Variants in DDB1 observed in about 807,000 individuals in gnomAD.
DDB1 encodes DNA damage-binding protein 1.
DDB1 carries 18 observed loss-of-function variants against 133.1 expected under a neutral mutation model. That is an observed-to-expected ratio of 0.14 (90% confidence interval 0.09 to 0.20). DDB1 has a LOEUF of 0.20. Ranked by LOEUF, DDB1 falls within the 10% of genes least tolerant of loss-of-function variation. The pLI, the probability that DDB1 is intolerant of heterozygous loss-of-function variation, is 1.00. For synonymous variants in DDB1, 580 were observed against 550.5 expected (o/e 1.05, Z -0.75); for missense variants, 828 against 1,459.2 (o/e 0.57, Z 7.05).
chr11:61,305,638 G>A (rs527614235), intron 21 of DDB1, among the ~76,000 whole-genome samples: 6 of 152,062 alleles, frequency 3.9e-5, no homozygotes, highest in African/African-American at 9.6e-5. Flanking sequence ...AGAGTGAAGC[G>A]GGGGGCCTCA....
intron 12 of DDB1, chr11:61,315,689 AAAC>A: frequency 6.5e-6 from 1 of 152,836 alleles, no homozygotes; most frequent in Admixed American, 6.5e-5. Context: ...GGGTCACTCC[AAAC>A]TTCAAAAAAT....
intron 10 of DDB1, among the ~76,000 whole-genome samples, chr11:61,316,980 T>G (rs1289743157): frequency 5.8e-5 from 4 of 68,382 alleles, no homozygotes; most frequent in Non-Finnish European, 1.1e-4. Flanking sequence ...TATATATATA[T>G]ATATATATAT....
At position 61,316,149 on chromosome 11, in the gene DDB1, T is replaced by C. The variant is rs528156387; in HGVS notation, c.1410+136A>G. On this transcript the variant is annotated intron_variant, in intron 12 of 26. Coordinates refer to ENST00000301764, the MANE Select transcript of DDB1 (RefSeq NM_001923.5). ...TGTGATCTCTGAGTAGTGGATTATC[T>C]GTAATTTTTTCCCTAGAATTTTTAC... 129 of 735,398 alleles carry C rather than the reference T, an allele frequency of 1.8e-4. 1 individual carries two copies. Among genetic ancestry groups the C allele is most frequent in the South Asian group, 1.5e-3 (88 of 57,976 alleles). 45.6% of individuals were successfully genotyped at this position (735,398 alleles called of 1,614,324 possible). A position where few individuals can be genotyped will look rare whatever the true frequency, so the allele number is the denominator to read the frequency against.
rs58597752 is a variant in DDB1, at chr11:61,311,912, G to A, written c.2166-17C>T. 1 of 1,614,044 alleles carries A rather than the reference G, an allele frequency of 6.2e-7. No individual in the cohort carries two copies. The highest frequency in any genetic ancestry group is 1.3e-5 in the African/African-American group (1 of 75,040). ...CAGATCTTCCTGCAGAACAAGTACA[G>A]AACAACAGTGTCACTTAGAAAGTCA... On this transcript the variant is annotated splice_polypyrimidine_tract_variant and intron_variant, in intron 17 of 26. Transcript: ENST00000301764.
chr11:61,305,278 G>A (rs1408699272), intron 21 of DDB1, among the ~76,000 whole-genome samples: 2 of 152,200 alleles, frequency 1.3e-5, no homozygotes, highest in Non-Finnish European at 2.9e-5. Flanking sequence ...GGAGGCCAAG[G>A]CAGGCGGATC....
At position 61,333,095 on chromosome 11, in the gene DDB1, C is replaced by A; in HGVS notation, c.-127G>T. 3 of 872,494 alleles carry A rather than the reference C, an allele frequency of 3.4e-6. No homozygotes were observed. Among genetic ancestry groups the A allele is most frequent in the Non-Finnish European group, 4.8e-6 (3 of 621,652 alleles). 54.0% of individuals were successfully genotyped at this position (872,494 alleles called of 1,614,324 possible). A position where few individuals can be genotyped will look rare whatever the true frequency, so the allele number is the denominator to read the frequency against. ...TGCCGCTGCCTCCGCCCCAGAGACA[C>A]GTTGCAGGCCAGAGCGGCCGGGGCG... On this transcript the variant is annotated 5_prime_UTR_variant, in exon 1 of 27. Coordinates refer to ENST00000301764, the MANE Select transcript of DDB1 (RefSeq NM_001923.5).
At chr11:61,322,622 T>G (rs1388680640) in intron 8 of DDB1, 1 of 570,328 alleles carries the variant, frequency 1.8e-6, no homozygotes, top group African/African-American at 1.9e-5. Flanking sequence ...ATTGCTGACC[T>G]AGAGTCCATG....
intron 10 of DDB1, among the ~76,000 whole-genome samples, chr11:61,320,886 CTTT>C (rs781113068): frequency 1.4e-5 from 2 of 143,826 alleles, no homozygotes; most frequent in Admixed American, 7.0e-5. Context: ...TGTAGCCTCT[CTTT>C]TTTTTTTTTT....
rs769627559 is a variant in DDB1 at position 61,312,062 on chromosome 11, T to C, written c.2092A>G (p.Thr698Ala). Reference protein sequence around the residue: ...PDSLALANNSTLTIGTIDEIQ... With the variant: ...PDSLALANNSALTIGTIDEIQ... ...TCATCGATGGTGCCAATGGTGAGGG[T>C]GCTATTGTTGGCCAGCGCCAGGCTG... The change falls in exon 17 of 27, where the codon ACC becomes GCC. Residue 698 changes from threonine to alanine, a missense_variant. By Grantham distance (58) the Thr-to-Ala change is moderately conservative. Coordinates refer to ENST00000301764, the MANE Select transcript of DDB1 (RefSeq NM_001923.5). 1.2e-5 allele frequency: 19 copies of C among 1,613,846 alleles called. No individual in the cohort carries two copies. Among genetic ancestry groups the C allele is most frequent in the Non-Finnish European group, 1.6e-5 (19 of 1,180,008 alleles).
At chr11:61,311,751 C>T (rs368339659) in intron 18 of DDB1, 33 bp downstream of exon 18, 7 of 1,588,200 alleles carry the variant, frequency 4.4e-6, no homozygotes, top group Non-Finnish European at 6.0e-6. Flanking sequence ...GGCCCCTGCT[C>T]TAAGGTCATC....
In DDB1 at chr11:61,303,751, G is replaced by A. The variant is rs80302078; in HGVS notation, c.2832+114C>T. The A allele has an allele frequency of 8.4e-4, 811 of 968,014 alleles. 7 individuals carry two copies. In the African/African-American group the frequency reaches 0.013, roughly 15 times the overall value. 60.0% of individuals were successfully genotyped at this position (968,014 alleles called of 1,614,324 possible). A position where few individuals can be genotyped will look rare whatever the true frequency, so the allele number is the denominator to read the frequency against. On this transcript the variant is annotated intron_variant, in intron 22 of 26. Transcript: ENST00000301764. ...TTAATCAATGTAGAATGTCTGCTCC[G>A]GGGAAAACATTTCTGCCCCTAATAC...
rs1590692675 is a variant in DDB1 at position 61,318,671 on chromosome 11, C to T, written c.1226-2104G>A. On this transcript the variant is annotated intron_variant, in intron 10 of 26. Coordinates refer to ENST00000301764, the MANE Select transcript of DDB1 (RefSeq NM_001923.5). ...TGGTTTGTCATTTCTTCTGACTTACCTAATAGTGTTTTGTTTTGCTTTTGC... is the reference window on the plus strand; with the variant it reads ...TGGTTTGTCATTTCTTCTGACTTACTTAATAGTGTTTTGTTTTGCTTTTGC... 3.3e-5 allele frequency among the ~76,000 whole-genome samples: 5 copies of T among 152,094 alleles called. No homozygotes were observed. In the South Asian group the frequency reaches 8.3e-4, roughly 25 times the overall value.
chr11:61,317,199 C>T (rs1160181985), intron 10 of DDB1, among the ~76,000 whole-genome samples: 2 of 151,780 alleles, frequency 1.3e-5, no homozygotes, highest in Non-Finnish European at 2.9e-5. Flanking sequence ...CTGCAAGCTC[C>T]ACCTCCCGGG....
chr11:61,302,107 C>T, intron 25 of DDB1, 150 bp downstream of exon 25: 1 of 647,932 alleles, frequency 1.5e-6, no homozygotes, highest in Non-Finnish European at 2.7e-6. Context: ...AAATTTTCCA[C>T]ATGAAAAAGT....
intron 10 of DDB1, among the ~76,000 whole-genome samples, chr11:61,319,163 G>A (rs1470400005): frequency 2.0e-5 from 3 of 152,202 alleles, no homozygotes; most frequent in East Asian, 1.9e-4. Context: ...CCGTGATCAT[G>A]CCACTGTACC....
chr11:61,329,203 C>T (rs1350060267), intron 4 of DDB1, 160 bp downstream of exon 4: 15 of 663,706 alleles, frequency 2.3e-5, no homozygotes, highest in South Asian at 8.9e-5. Flanking sequence ...CAAGAAGCAA[C>T]GAAAGTCTGA....
At position 61,299,776 on chromosome 11, in the gene DDB1, T is replaced by TACACATACACACAC. The variant is rs572476486; in HGVS notation, c.*346_*359dup. 1 of 327,004 alleles carries TACACATACACACAC rather than the reference T, an allele frequency of 3.1e-6. No individual in the cohort carries two copies. The highest frequency in any genetic ancestry group is 5.9e-6 in the Non-Finnish European group (1 of 170,190). The allele number at this position is 327,004 out of a possible 1,614,324, so 20.3% of individuals were successfully genotyped here. On this transcript the variant is annotated 3_prime_UTR_variant, in exon 27 of 27. Transcript: ENST00000301764. ...AAGAGGACAATGCATGAGTGTGAGA[T>TACACATACACACAC]ACACATACACACACACACATACACA...
At position 61,320,908 on chromosome 11, in the gene DDB1, CA is replaced by C. The variant is rs565984121; in HGVS notation, c.1225+686del. ...TCTCTTTTTTTTTTTTTTGGTGACA[CA>C]AGGTCTCATTGTCGCCCAAACTAGA... On this transcript the variant is annotated intron_variant, in intron 10 of 26. Coordinates refer to ENST00000301764, the MANE Select transcript of DDB1 (RefSeq NM_001923.5). Among the ~76,000 whole-genome samples the C allele has an allele frequency of 5.1e-3, 761 of 148,986 alleles. 14 individuals are homozygous for C. The highest frequency in any genetic ancestry group is 0.017 in the African/African-American group (701 of 40,302).
At chr11:61,326,712 G>C (rs1283357929) in intron 5 of DDB1, 67 bp downstream of exon 5, 3 of 1,252,402 alleles carry the variant, frequency 2.4e-6, no homozygotes, top group East Asian at 4.6e-5. Flanking sequence ...GAAGGTGAGG[G>C]AGCGAACAAG....
Sources: allele counts gnomAD v4.1 joint callset (sites outside exome capture counted in the v4.1 genomes callset), GRCh38; gene constraint gnomAD v4.1.1; transcripts MANE v1.5; gene names NCBI Gene and HGNC (gene_info 2026-07-23, HGNC 2026-07-21).